The following PAPLN variants were observed in gnomAD, a reference collection of about 807,000 sequenced individuals.
The protein encoded by PAPLN is papilin.
Under a neutral mutation model 159.0 loss-of-function variants are expected in PAPLN, and 146 were observed. The observed-to-expected ratio is 0.92, with a 90% confidence interval of 0.80 to 1.05. The LOEUF (loss-of-function observed/expected upper bound fraction) is 1.05, where lower values mean the gene tolerates loss of function less well. Ranked by LOEUF, PAPLN falls within the 50% of genes least tolerant of loss-of-function variation. The pLI is 0.00. For synonymous variants in PAPLN, 734 were observed against 702.9 expected (o/e 1.04, Z -0.70); for missense variants, 1,720 against 1,743.9 (o/e 0.99, Z 0.24).
chr14:73,251,650 T>G lies in PAPLN; in HGVS notation c.671-14T>G. 1.9e-6 allele frequency: 3 copies of G among 1,613,242 alleles called. No individual in the cohort carries two copies. The highest frequency in any genetic ancestry group is 2.5e-6 in the Non-Finnish European group (3 of 1,179,912). On this transcript the variant is annotated splice_polypyrimidine_tract_variant and intron_variant, in intron 8 of 26. Transcript: ENST00000644200. ...TGCTCCCTCTGGCTGACTGAGGCGG[T>G]CTCCTCTGCGCAGCTGTGAAGAATG... is the stretch of plus-strand genomic sequence containing the variant.
chr14:73,265,357 G>T lies in PAPLN; in HGVS notation c.3126-13G>T. On this transcript the variant is annotated splice_polypyrimidine_tract_variant and intron_variant, in intron 22 of 26. Transcript: ENST00000644200. This position sits in a 1 kb window ranked among gnomAD's most constrained non-coding sequence, Gnocchi z 4.1. ...GCAAGGGCCCCTCATGCTGTGGGCT[G>T]CTTGTTTGGCAGGCTGCGTTTGGAC... 1.9e-6 allele frequency: 3 copies of T among 1,606,712 alleles called. No individual in the cohort carries two copies. The South Asian group carries it at 3.3e-5, about 18-fold the overall frequency.
intron 2 of PAPLN, among the ~76,000 whole-genome samples, chr14:73,241,299 TCAC>T (rs929627531): frequency 1.3e-5 from 2 of 152,146 alleles, no homozygotes; most frequent in African/African-American, 2.4e-5. Flanking sequence ...CTCAGGTCCT[TCAC>T]CACGTGCTGG....
At position 73,265,435 on chromosome 14, in the gene PAPLN, C is replaced by A; in HGVS notation, c.3191C>A (p.Thr1064Asn). The change falls in exon 23 of 27, where the codon ACC becomes AAC. Residue 1064 changes from threonine (T) to asparagine (N), a missense_variant. Physicochemically the swap from Thr to Asn is moderately conservative, Grantham distance 65. Transcript: ENST00000644200. The surrounding 1 kb of genome is among the most constrained non-coding windows in gnomAD (Gnocchi z 4.1). Reference protein sequence around the residue: ...DASPGQRIRMTCRAEGFPPPA... With the variant: ...DASPGQRIRMNCRAEGFPPPA... Reference sequence around the variant, plus strand: ...AGTCCAGGCCAGCGGATCCGGATGACCTGCCGTGCCGAAGGCTTCCCGCCC... The same window carrying A: ...AGTCCAGGCCAGCGGATCCGGATGAACTGCCGTGCCGAAGGCTTCCCGCCC... 6.2e-7 allele frequency: 1 copy of A among 1,613,266 alleles called. No individual in the cohort carries two copies. The highest frequency in any genetic ancestry group is 8.5e-7 in the Non-Finnish European group (1 of 1,180,026).
rs932256 is a variant in PAPLN at position 73,273,941 on chromosome 14, C to G, written c.*1277C>G. 20,679 of 152,214 alleles carry G rather than the reference C, an allele frequency of 0.14. 1,667 individuals are homozygous for G. The highest frequency in any genetic ancestry group is 0.22 in the South Asian group (1,060 of 4,828). 9.4% of individuals were successfully genotyped at this position (152,214 alleles called of 1,614,324 possible). A position where few individuals can be genotyped will look rare whatever the true frequency, so the allele number is the denominator to read the frequency against. On this transcript the variant is annotated 3_prime_UTR_variant, in exon 27 of 27. Transcript: ENST00000644200. ...AAAGAACTGGAAACGCTCCTTACGT[C>G]GAGATGTTGGACCTTGAAGCCCTCC...
Position 73,259,514 on chromosome 14 carries a change from G to A in PAPLN, c.1954G>A (p.Gly652Ser), listed in dbSNP as rs776464953. The A allele has an allele frequency of 6.3e-7, 1 of 1,593,318 alleles. No individual in the cohort carries two copies. The highest frequency in any genetic ancestry group is 8.6e-7 in the Non-Finnish European group (1 of 1,169,446). Residue 652 changes from glycine to serine, a missense_variant, in exon 16 of 27, where the codon GGC becomes AGC. Transcript: ENST00000644200. Reference protein sequence around the residue: ...HTASLGPQWQGCPGAPCQQSR... With the variant: ...HTASLGPQWQSCPGAPCQQSR... ...GGCATCTCTCGGGCCTCAGTGGCAA[G>A]GCTGCCCTGGGGCCCCCTGTCAGCA...
rs1318882739 is a variant in PAPLN at position 73,261,253 on chromosome 14, C to T, written c.2204C>T (p.Ala735Val). 1.2e-5 allele frequency: 20 copies of T among 1,613,754 alleles called. No homozygotes were observed. Among genetic ancestry groups the T allele is most frequent in the Non-Finnish European group, 1.6e-5 (19 of 1,180,020 alleles). ...TGCTATGACAACGTGGCCACTGCAG[C>T]CGGTCCTCTTGGGGAAGGCTGTGTG... ...GCCYDNVATA[A>V]GPLGEGCVGQ... is the part of the protein sequence containing the mutation. Residue 735 changes from alanine to valine, a missense_variant, in exon 18 of 27, where the codon GCC (alanine) becomes GTC (valine). Ala to Val is a moderately conservative substitution (Grantham distance 64). Transcript: ENST00000644200.
Position 73,245,670 on chromosome 14 carries a change from C to G in PAPLN, c.205C>G (p.Arg69Gly). 6.4e-7 allele frequency: 1 copy of G among 1,556,094 alleles called. No individual in the cohort carries two copies. ...AGGCTCCAGCTGCGTGGGCCCCGCC[C>G]GGAGCCACCGCTCTTGTCGCACGGA... ...DGGSSCVGPA[R>G]SHRSCRTESC... The change falls in exon 4 of 27, where the codon CGG becomes GGG. Residue 69 changes from arginine to glycine, a missense_variant. Coordinates refer to ENST00000644200, the MANE Select transcript of PAPLN (RefSeq NM_001365906.3). This position sits in a 1 kb window ranked among gnomAD's most constrained non-coding sequence, Gnocchi z 4.2.
In PAPLN at chr14:73,260,769, A is replaced by G. The variant is rs1886487411; in HGVS notation, c.2046A>G (p.Thr682=). 3 of 1,480,226 alleles carry G rather than the reference A, an allele frequency of 2.0e-6. No individual in the cohort carries two copies. The highest frequency in any genetic ancestry group is 1.4e-5 in the African/African-American group (1 of 69,646). 91.7% of individuals were successfully genotyped at this position (1,480,226 alleles called of 1,614,324 possible). A position where few individuals can be genotyped will look rare whatever the true frequency, so the allele number is the denominator to read the frequency against. The part of the protein sequence containing the change: ...VAEGPHHAGC[T]KSYGGDSTGG... ...AGGGGCCCCATCACGCTGGCTGCAC[A>G]AAGTCGTATGGTGGTGACAGCACCG... is the stretch of plus-strand genomic sequence containing the variant. The change falls in exon 17 of 27, where the codon ACA becomes ACG. Residue 682 remains threonine, a synonymous_variant. Transcript: ENST00000644200.
At position 73,266,765 on chromosome 14, in the gene PAPLN, C is replaced by T; in HGVS notation, c.3434C>T (p.Pro1145Leu). ...GGACTGCCCCCTACTGTGACAGTGC[C>T]AGAGGGTGATACGGCCAGGCTATTG... is the stretch of plus-strand genomic sequence containing the variant. ...ISGLPPTVTV[P>L]EGDTARLLCV... is the part of the protein sequence containing the mutation. The change falls in exon 25 of 27, where the codon CCA becomes CTA. Residue 1145 changes from proline (P) to leucine (L), a missense_variant. By Grantham distance (98) the Pro-to-Leu change is moderately conservative (BLOSUM62 -3). Coordinates refer to ENST00000644200, the MANE Select transcript of PAPLN (RefSeq NM_001365906.3). The T allele has an allele frequency of 1.9e-6, 3 of 1,613,978 alleles. No homozygotes were observed. Among genetic ancestry groups the T allele is most frequent in the Non-Finnish European group, 2.5e-6 (3 of 1,179,944 alleles).
At chr14:73,239,913 C>G in intron 2 of PAPLN, 81 bp downstream of exon 2, 8 of 1,475,364 alleles carry the variant, frequency 5.4e-6, no homozygotes, top group Non-Finnish European at 7.2e-6. Context: ...CAGGCAACGT[C>G]CCCAGGAAAG....
chr14:73,262,551 C>A lies in PAPLN; in HGVS notation c.2447C>A (p.Pro816His), dbSNP rs764317939. 82 of 1,567,408 alleles carry A rather than the reference C, an allele frequency of 5.2e-5. No homozygotes were observed. The East Asian group carries it at 1.9e-3, about 36-fold the overall frequency. The change falls in exon 19 of 27, where the codon CCT becomes CAT. Residue 816 changes from proline (P) to histidine (H), a missense_variant. Pro to His is a moderately conservative substitution (Grantham distance 77, BLOSUM62 -2). Transcript: ENST00000644200. ...GSLHGPRRPQ[P>H]GASGRSTHTD... is the part of the protein sequence containing the mutation. ...CTCCATGGGCCCCGTCGTCCCCAGC[C>A]TGGGGCTTCTGGAAGGAGCACCCAC...
chr14:73,247,169 GGAAGGGGCTT>G (rs1884498964), intron 5 of PAPLN, among the ~76,000 whole-genome samples: 4 of 152,286 alleles, frequency 2.6e-5, no homozygotes, highest in South Asian at 4.1e-4. Context: ...AGGAGGGGCT[GGAAGGGGCTT>G]GGTACACCAA....
chr14:73,263,821 C>T, intron 20 of PAPLN, 39 bp downstream of exon 20: 5 of 1,562,714 alleles, frequency 3.2e-6, no homozygotes, highest in Non-Finnish European at 3.5e-6. Context: ...ACAGGTGTGA[C>T]AGCCCCCCTA....
At chr14:73,264,541 C>A in intron 21 of PAPLN, 47 bp from the exon 22 acceptor site, 1 of 1,568,218 alleles carries the variant, frequency 6.4e-7, no homozygotes, top group Non-Finnish European at 8.6e-7. Context: ...TCCTTCCACT[C>A]CCTTTTCCTC....
At chr14:73,262,900 C>T (rs1006297635) in intron 19 of PAPLN, 73 bp downstream of exon 19, 28 of 1,289,522 alleles carry the variant, frequency 2.2e-5, no homozygotes, top group Non-Finnish European at 2.7e-5. Flanking sequence ...AGCTAAACCC[C>T]TGAAGTCAGC....
chr14:73,251,938 C>T lies in PAPLN; in HGVS notation c.844-80C>T, dbSNP rs1383603957. 1.9e-6 allele frequency: 3 copies of T among 1,550,650 alleles called. No individual in the cohort carries two copies. In the African/African-American group the frequency reaches 4.1e-5, roughly 21 times the overall value. On this transcript the variant is annotated intron_variant, in intron 9 of 26. Coordinates refer to ENST00000644200, the MANE Select transcript of PAPLN (RefSeq NM_001365906.3). ...GGGTTGAGTGGCTCTGGGCTTGAGG[C>T]TGGCAGGGGGCTGTGAGGCTGCGGA... is the stretch of plus-strand genomic sequence containing the variant.
At chr14:73,260,538 CA>C (rs71112723) in intron 16 of PAPLN, among the ~76,000 whole-genome samples, 170 bp from the exon 17 acceptor site, 29,105 of 151,962 alleles carry the variant, frequency 0.19, 2,997 homozygotes, top group African/African-American at 0.26. Context: ...TGGATTTAGG[CA>C]GAGATTGCGG....
chr14:73,255,180 A>G (rs1885761789), intron 14 of PAPLN, among the ~76,000 whole-genome samples, 162 bp downstream of exon 14: 1 of 151,914 alleles, frequency 6.6e-6, no homozygotes, highest in Non-Finnish European at 1.5e-5. Flanking sequence ...TGCCATCTCT[A>G]AGGCCCACCT....
At chr14:73,264,858 G>A in intron 22 of PAPLN, 132 bp downstream of exon 22, 1 of 1,440,040 alleles carries the variant, frequency 6.9e-7, no homozygotes, top group Non-Finnish European at 9.4e-7. Context: ...GGGAGGCCAG[G>A]CCTAGAAAAA....
Sources: allele counts gnomAD v4.1 joint callset (sites outside exome capture counted in the v4.1 genomes callset), GRCh38; gene constraint gnomAD v4.1.1; non-coding constraint Gnocchi (gnomAD v3.1); transcripts MANE v1.5; gene names NCBI Gene and HGNC (gene_info 2026-07-23, HGNC 2026-07-21).